The following MBP variants were observed in gnomAD, a reference collection of about 807,000 sequenced individuals.
MBP encodes Golli-MBP.
MBP carries 16 observed loss-of-function variants against 35.8 expected under a neutral mutation model. That is an observed-to-expected ratio of 0.45 (90% CI 0.30 to 0.68). MBP has a LOEUF of 0.68. Ranked by LOEUF, MBP falls within the 30% of genes least tolerant of loss-of-function variation. MBP has a pLI of 0.08. For missense variants in MBP, 380 were observed against 404.7 expected, an observed-to-expected ratio of 0.94 and a Z score of 0.52; for synonymous variants, 143 against 159.6, an observed-to-expected ratio of 0.90 and a Z score of 0.78.
intron 4 of MBP, chr18:77,006,838 G>A (rs1971008844): frequency 6.6e-6 from 1 of 152,372 alleles, no homozygotes; most frequent in Non-Finnish European, 1.5e-5. Context: ...TAGCTGGGGT[G>A]TCTCCCTTAC....
At chr18:77,097,660 G>A (rs974863581) in intron 2 of MBP, among the ~76,000 whole-genome samples, 59 of 152,332 alleles carry the variant, frequency 3.9e-4, no homozygotes, top group African/African-American at 1.3e-3. Flanking sequence ...TGAGATCTCA[G>A]TGGGATGTGT....
chr18:77,001,190 G>T (rs1970614205), intron 4 of MBP, among the ~76,000 whole-genome samples: 2 of 144,472 alleles, frequency 1.4e-5, no homozygotes, highest in African/African-American at 5.0e-5. Flanking sequence ...TAGGGTCCCC[G>T]CTCACTGTCC....
rs1339656015 is a variant in MBP, at chr18:76,989,935, T to C, written c.681+21A>G. On this transcript the variant is annotated intron_variant, in intron 5 of 8. Coordinates refer to ENST00000355994, the MANE Select transcript of MBP (RefSeq NM_001025101.2). The surrounding 1 kb of genome is among the most constrained non-coding windows in gnomAD (Gnocchi z 4.0). ...TCCTCCCCCTCACAGTTGCTACCTCTTCCCATCGATCGTCACTTACAATGT... is the reference window on the plus strand; with the variant it reads ...TCCTCCCCCTCACAGTTGCTACCTCCTCCCATCGATCGTCACTTACAATGT... 2 of 1,596,794 alleles carry C rather than the reference T, an allele frequency of 1.3e-6. No homozygotes were observed. The highest frequency in any genetic ancestry group is 1.7e-6 in the Non-Finnish European group (2 of 1,166,286).
At chr18:76,986,125 T>C in intron 7 of MBP, 1 of 985,570 alleles carries the variant, frequency 1.0e-6, no homozygotes, top group South Asian at 4.7e-5. Flanking sequence ...GGGTGCACTG[T>C]CTGTGGGAAG....
chr18:77,116,931 G>A (rs1490139231), intron 1 of MBP, among the ~76,000 whole-genome samples: 14 of 152,148 alleles, frequency 9.2e-5, no homozygotes, highest in Admixed American at 9.2e-4. Context: ...AGCAGGACCT[G>A]ACACCAACAC....
At chr18:77,082,122 G>A (rs886261725) in intron 2 of MBP, among the ~76,000 whole-genome samples, 1 of 152,006 alleles carries the variant, frequency 6.6e-6, no homozygotes, top group South Asian at 2.1e-4. Context: ...AAAGTGCTGG[G>A]ATTACAGGCG....
At chr18:77,077,049 G>A (rs1039572317) in intron 2 of MBP, among the ~76,000 whole-genome samples, 33 of 152,102 alleles carry the variant, frequency 2.2e-4, no homozygotes, top group African/African-American at 7.0e-4. Flanking sequence ...AATTAGTGCC[G>A]TGTGTTTGGT....
At chr18:77,006,414 C>T (rs1970976700) in intron 4 of MBP, 1 of 152,564 alleles carries the variant, frequency 6.6e-6, no homozygotes, top group South Asian at 2.1e-4. Flanking sequence ...CCCGGGGCCA[C>T]CTTTCCAGCT....
At chr18:77,015,090 C>T (rs1243873009) in intron 4 of MBP, 30 of 982,396 alleles carry the variant, frequency 3.1e-5, no homozygotes, top group Non-Finnish European at 3.5e-5. Context: ...TGTAATCTTA[C>T]CATAAAGGAA....
At chr18:77,024,427 G>A (rs556679337) in intron 3 of MBP, among the ~76,000 whole-genome samples, 1 of 152,350 alleles carries the variant, frequency 6.6e-6, no homozygotes, top group Admixed American at 6.5e-5. Flanking sequence ...TCTGCAGAGA[G>A]TTTTCTAATA....
chr18:77,097,656 C>G (rs889821010), intron 2 of MBP, among the ~76,000 whole-genome samples: 1 of 152,200 alleles, frequency 6.6e-6, no homozygotes, highest in Non-Finnish European at 1.5e-5. Context: ...AAACTGAGAT[C>G]TCAGTGGGAT....
chr18:76,989,102 T>C lies in MBP; in HGVS notation c.682-190A>G, dbSNP rs567639918. On this transcript the variant is annotated intron_variant, in intron 5 of 8. Transcript: ENST00000355994. This position sits in a 1 kb window ranked among gnomAD's most constrained non-coding sequence, Gnocchi z 4.0. ...CTGAGATTGAAAATATTCTAGATGA[T>C]GCAGATCTCCCAGAGCACTCAGGAA... 5 of 709,742 alleles carry C rather than the reference T, an allele frequency of 7.0e-6. No homozygotes were observed. In the African/African-American group the frequency reaches 8.7e-5, roughly 12 times the overall value. 44.0% of individuals were successfully genotyped at this position (709,742 alleles called of 1,614,324 possible).
intron 3 of MBP, among the ~76,000 whole-genome samples, chr18:77,056,478 G>A (rs1973728464): frequency 6.6e-6 from 1 of 152,186 alleles, no homozygotes; most frequent in Non-Finnish European, 1.5e-5. Flanking sequence ...CCTTTGAAAT[G>A]TAACCAACAA....
intron 2 of MBP, among the ~76,000 whole-genome samples, chr18:77,103,085 C>T (rs1413539784): frequency 1.3e-5 from 2 of 152,170 alleles, no homozygotes; most frequent in Admixed American, 1.3e-4. Context: ...CTGTTTATCA[C>T]TTTAATCAAG....
At chr18:77,019,976 G>A (rs1401816558) in intron 3 of MBP, among the ~76,000 whole-genome samples, 2 of 152,184 alleles carry the variant, frequency 1.3e-5, no homozygotes. Flanking sequence ...CCATCTGTGA[G>A]CAACAGCAGG....
At chr18:76,992,471 G>A (rs577663692) in intron 4 of MBP, among the ~76,000 whole-genome samples, 1 of 152,218 alleles carries the variant, frequency 6.6e-6, no homozygotes, top group South Asian at 2.1e-4. Context: ...GGGCCTGGGG[G>A]CTGGGGACCC....
At position 76,986,164 on chromosome 18, in the gene MBP, T is replaced by C. The variant is rs1049914693; in HGVS notation, c.751-1270A>G. 8 of 985,418 alleles carry C rather than the reference T, an allele frequency of 8.1e-6. No homozygotes were observed. The African/African-American group carries it at 1.2e-4, about 15-fold the overall frequency. The allele number at this position is 985,418 out of a possible 1,614,324, so 61.0% of individuals were successfully genotyped here. On this transcript the variant is annotated intron_variant, in intron 7 of 8. Transcript: ENST00000355994. ...GACCACGCTGTTAGCTTTTCAGGGA[T>C]CTTGGTTGGCCTCCTGAGTCTCTAC... is the stretch of plus-strand genomic sequence containing the variant.
chr18:76,998,112 A>G (rs9959483), intron 4 of MBP, among the ~76,000 whole-genome samples: 15,390 of 152,270 alleles, frequency 0.1, 836 homozygotes, highest in South Asian at 0.15. Context: ...CATCACCGCC[A>G]TCCATCTCCA....
intron 3 of MBP, among the ~76,000 whole-genome samples, chr18:77,040,368 T>C (rs1000935633): frequency 6.6e-6 from 1 of 152,212 alleles, no homozygotes; most frequent in South Asian, 2.1e-4. Flanking sequence ...AGGTAATTTA[T>C]AGATTCAATG....
Sources: allele counts gnomAD v4.1 joint callset (sites outside exome capture counted in the v4.1 genomes callset), GRCh38; gene constraint gnomAD v4.1.1; non-coding constraint Gnocchi (gnomAD v3.1); transcripts MANE v1.5; gene names NCBI Gene and HGNC (gene_info 2026-07-23, HGNC 2026-07-21).